The following SORCS3 variants were observed in gnomAD, a reference collection of about 807,000 sequenced individuals.
SORCS3 encodes sortilin related VPS10 domain containing receptor 3.
Under a neutral mutation model 146.3 loss-of-function variants are expected in SORCS3, and 57 were observed. The ratio of observed to expected loss-of-function variants is 0.39; its 90% confidence interval spans 0.31 to 0.49. SORCS3 has a LOEUF of 0.49. Among genes scored for constraint, SORCS3 ranks in the 20% least tolerant of loss-of-function variants. The pLI, the probability that SORCS3 is intolerant of heterozygous loss-of-function variation, is 0.92. For missense variants in SORCS3, 1,341 were observed against 1,575.5 expected (o/e 0.85, Z 2.52); for synonymous variants, 653 against 618.5 (o/e 1.06, Z -0.83).
chr10:105,247,296 G>T lies in SORCS3; in HGVS notation c.3070G>T (p.Asp1024Tyr). The T allele has an allele frequency of 6.2e-7, 1 of 1,612,334 alleles. No individual in the cohort carries two copies. Among genetic ancestry groups the T allele is most frequent in the Non-Finnish European group, 8.5e-7 (1 of 1,178,618 alleles). ...HNPDIPEWRK[D>Y]IGNVIKRALV... The stretch of plus-strand genomic sequence containing the variant: ...TCCTGACATTCCTGAGTGGAGAAAA[G>T]ATATTGGCAATGTCATCAAGCGAGC... The change falls in exon 22 of 27, where the codon GAT becomes TAT. Residue 1024 changes from aspartate (D) to tyrosine (Y), a missense_variant. Coordinates refer to ENST00000369701, the MANE Select transcript of SORCS3 (RefSeq NM_014978.3).
chr10:105,157,035 C>A lies in SORCS3; in HGVS notation c.1483-103C>A, dbSNP rs916305697. The A allele has an allele frequency of 3.7e-6, 5 of 1,342,172 alleles. No homozygotes were observed. The African/African-American group carries it at 5.9e-5, about 16-fold the overall frequency. 83.1% of individuals were successfully genotyped at this position (1,342,172 alleles called of 1,614,324 possible). On this transcript the variant is annotated intron_variant, in intron 9 of 26. Coordinates refer to ENST00000369701, the MANE Select transcript of SORCS3 (RefSeq NM_014978.3). ...ATGTTCCTTCTTTTCTTGCTTGGAA[C>A]CCCAACATGCCGTGGGAAATTCTGC...
intron 14 of SORCS3, among the ~76,000 whole-genome samples, chr10:105,182,319 A>G (rs1378720955): frequency 6.8e-6 from 1 of 148,096 alleles, no homozygotes; most frequent in Non-Finnish European, 1.5e-5. Context: ...ACAACTCTGG[A>G]AGGTAGATAG....
At chr10:105,099,290 G>A (rs1474113333) in intron 6 of SORCS3, among the ~76,000 whole-genome samples, 2 of 152,136 alleles carry the variant, frequency 1.3e-5, no homozygotes, top group African/African-American at 4.8e-5. Flanking sequence ...GGCCTAAAGA[G>A]CTGAATTTGC....
At chr10:104,838,770 C>A (rs750339146) in intron 1 of SORCS3, among the ~76,000 whole-genome samples, 17 of 152,138 alleles carry the variant, frequency 1.1e-4, no homozygotes, top group African/African-American at 1.7e-4. Flanking sequence ...TGTGATGGAG[C>A]CTTTCTGGAA....
At chr10:105,151,377 T>A (rs1055998976) in intron 9 of SORCS3, among the ~76,000 whole-genome samples, 1 of 152,174 alleles carries the variant, frequency 6.6e-6, no homozygotes, top group Non-Finnish European at 1.5e-5. Context: ...TTCTTTATCT[T>A]TTTTCCCCTC....
intron 6 of SORCS3, among the ~76,000 whole-genome samples, chr10:105,094,228 G>C (rs1336062246): frequency 6.6e-6 from 1 of 152,128 alleles, no homozygotes; most frequent in Non-Finnish European, 1.5e-5. Flanking sequence ...ATGAAAAGCT[G>C]CATGAAATAT....
intron 13 of SORCS3, among the ~76,000 whole-genome samples, chr10:105,171,598 A>G (rs942161994): frequency 6.6e-6 from 1 of 152,220 alleles, no homozygotes. Context: ...AATGAAAACA[A>G]TAGTTCCAAA....
chr10:105,198,135 C>G (rs896594541), intron 14 of SORCS3, among the ~76,000 whole-genome samples: 4 of 152,178 alleles, frequency 2.6e-5, no homozygotes, highest in African/African-American at 9.7e-5. Flanking sequence ...ATGTGCTTCA[C>G]ATTTTCCTCT....
chr10:104,775,079 A>C (rs1212025400), intron 1 of SORCS3, among the ~76,000 whole-genome samples: 1 of 152,210 alleles, frequency 6.6e-6, no homozygotes, highest in African/African-American at 2.4e-5. Flanking sequence ...CTGGGAATTC[A>C]GTTTAACTCA....
intron 12 of SORCS3, among the ~76,000 whole-genome samples, chr10:105,166,261 G>A (rs1173340196): frequency 6.6e-6 from 1 of 152,132 alleles, no homozygotes; most frequent in African/African-American, 2.4e-5. Context: ...AAATCTGACT[G>A]TATCGTCTCC....
At chr10:104,756,675 A>C (rs1206090581) in intron 1 of SORCS3, among the ~76,000 whole-genome samples, 1 of 152,210 alleles carries the variant, frequency 6.6e-6, no homozygotes, top group Non-Finnish European at 1.5e-5. Context: ...AAGAGCATGC[A>C]GAATGGAGGC....
intron 1 of SORCS3, among the ~76,000 whole-genome samples, chr10:104,786,527 TAC>T (rs1333654683): frequency 7.2e-6 from 1 of 138,218 alleles, no homozygotes; most frequent in African/African-American, 2.9e-5. Context: ...CAGCTTGGGC[TAC>T]AAGTATGAAA....
chr10:105,096,002 T>C (rs756484167), intron 6 of SORCS3, among the ~76,000 whole-genome samples: 21 of 152,162 alleles, frequency 1.4e-4, no homozygotes, highest in Admixed American at 2.6e-4. Flanking sequence ...GCTTTTCTTA[T>C]GTTTGTTCAT....
chr10:105,068,556 C>T (rs977613778), intron 5 of SORCS3, among the ~76,000 whole-genome samples: 2 of 152,068 alleles, frequency 1.3e-5, no homozygotes, highest in Non-Finnish European at 2.9e-5. Flanking sequence ...CCTAAAACAC[C>T]GGCTAAATGA....
At chr10:105,120,871 G>C (rs932375747) in intron 7 of SORCS3, among the ~76,000 whole-genome samples, 1 of 152,136 alleles carries the variant, frequency 6.6e-6, no homozygotes, top group Non-Finnish European at 1.5e-5. Flanking sequence ...ATTGTGGTTT[G>C]GTAGAAAAGC....
rs544105338 is a variant in SORCS3 at position 104,858,947 on chromosome 10, A to AAC, written c.695+16089_695+16090insCA. On this transcript the variant is annotated intron_variant, in intron 2 of 26. Coordinates refer to ENST00000369701, the MANE Select transcript of SORCS3 (RefSeq NM_014978.3). ...GAGAAGTGTACATTTATAAAAAAAAAAAAAAACAACAAAAAAGAAGTGCAC... is the reference window on the plus strand; with the variant it reads ...GAGAAGTGTACATTTATAAAAAAAAAACAAAAAACAACAAAAAAGAAGTGCAC... Among the ~76,000 whole-genome samples, 846 of 151,068 alleles carry AAC rather than the reference A, an allele frequency of 5.6e-3. 14 individuals carry two copies. Among genetic ancestry groups the AAC allele is most frequent in the African/African-American group, 0.019 (785 of 41,166 alleles).
intron 7 of SORCS3, among the ~76,000 whole-genome samples, chr10:105,106,140 T>G (rs2055819783): frequency 6.6e-6 from 1 of 152,186 alleles, no homozygotes; most frequent in Non-Finnish European, 1.5e-5. Flanking sequence ...CAAAAGGTAG[T>G]GCTCCACCAG....
intron 2 of SORCS3, among the ~76,000 whole-genome samples, chr10:104,866,857 A>C (rs1408810853): frequency 2.6e-5 from 4 of 152,206 alleles, no homozygotes; most frequent in Non-Finnish European, 4.4e-5. Context: ...GTCACTCATC[A>C]CGCTGGTTCT....
At chr10:105,067,802 G>A (rs1168876837) in intron 5 of SORCS3, among the ~76,000 whole-genome samples, 1 of 152,006 alleles carries the variant, frequency 6.6e-6, no homozygotes, top group Non-Finnish European at 1.5e-5. Context: ...ACTTCCTTCA[G>A]GAGTCTTTGT....
Sources: gnomAD v4.1 joint callset for allele counts (sites outside exome capture counted in the v4.1 genomes callset) on GRCh38, gnomAD v4.1.1 for gene constraint, MANE v1.5 for transcripts, NCBI Gene and HGNC (gene_info 2026-07-23, HGNC 2026-07-21) for gene names.